SLC35F4: variants seen among roughly 807,000 people sequenced by gnomAD.
The protein encoded by SLC35F4 is solute carrier family 35 member F4.
SLC35F4 carries 24 observed loss-of-function variants against 44.2 expected under a neutral mutation model. The observed-to-expected ratio is 0.54, with a 90% confidence interval of 0.39 to 0.76. The LOEUF is 0.76. Ranked by LOEUF, SLC35F4 falls within the 30% of genes least tolerant of loss-of-function variation. SLC35F4 has a pLI of 0.00. For synonymous variants in SLC35F4, 238 were observed against 223.6 expected (o/e 1.06, Z -0.57); for missense variants, 562 against 586.1 (o/e 0.96, Z 0.42).
At chr14:57,883,546 T>C (rs760073276) in intron 1 of SLC35F4, among the ~76,000 whole-genome samples, 8 of 152,322 alleles carry the variant, frequency 5.3e-5, no homozygotes, top group Non-Finnish European at 1.0e-4. Flanking sequence ...GATTGGCATT[T>C]AGAAATGAGA....
rs531678583 is a variant in SLC35F4 at position 57,660,912 on chromosome 14, A to C, written c.104-66788T>G. On this transcript the variant is annotated intron_variant, in intron 1 of 7. Coordinates refer to ENST00000556826, the MANE Select transcript of SLC35F4 (RefSeq NM_001306087.2). The stretch of plus-strand genomic sequence containing the variant: ...ACTCTCAGAAACCGTAAAATCGTAA[A>C]TATTTGTTGTTGTAAGCTACATATT... Among the ~76,000 whole-genome samples the C allele has an allele frequency of 5.7e-3, 860 of 152,168 alleles. 12 individuals are homozygous for C. The highest frequency in any genetic ancestry group is 0.02 in the African/African-American group (819 of 41,464).
At chr14:57,934,885 C>A (rs745440309) in intron 1 of SLC35F4, among the ~76,000 whole-genome samples, 1 of 152,152 alleles carries the variant, frequency 6.6e-6, no homozygotes, top group Non-Finnish European at 1.5e-5. Flanking sequence ...ATCAGCATGT[C>A]AGCTTTATTA....
Position 57,594,033 on chromosome 14 carries a change from A to T in SLC35F4, c.195T>A (p.Ser65=), listed in dbSNP as rs776444675. The T allele has an allele frequency of 5.5e-5, 88 of 1,613,808 alleles. No homozygotes were observed. The highest frequency in any genetic ancestry group is 7.1e-5 in the Non-Finnish European group (84 of 1,179,860). Residue 65 remains serine, a synonymous_variant, in exon 2 of 8, where the codon TCT becomes TCA. Coordinates refer to ENST00000556826, the MANE Select transcript of SLC35F4 (RefSeq NM_001306087.2). The part of the protein sequence containing the change: ...SGISRQLSPL[S]VTEDSSAPIL... ...TAGGAGCAGAGGAATCTTCGGTGACAGACAGTGGGGACAGTTGTCTACTGA... is the reference window on the plus strand; with the variant it reads ...TAGGAGCAGAGGAATCTTCGGTGACTGACAGTGGGGACAGTTGTCTACTGA...
At chr14:57,867,867 CCTT>C (rs1257926098), upstream of SLC35F4, among the ~76,000 whole-genome samples, 3 of 151,940 alleles carry the variant, frequency 2.0e-5, no homozygotes, top group African/African-American at 7.3e-5. Flanking sequence ...CAAGCAAAAA[CCTT>C]CTGATGTAAC....
At chr14:57,643,616 T>A (rs554427546) in intron 1 of SLC35F4, among the ~76,000 whole-genome samples, 33 of 152,260 alleles carry the variant, frequency 2.2e-4, no homozygotes, top group South Asian at 8.3e-4. Context: ...TCATTTTTTT[T>A]AAATTTTATT....
chr14:57,859,995 TGG>T (rs1394859889), intron 1 of SLC35F4, among the ~76,000 whole-genome samples: 1 of 152,094 alleles, frequency 6.6e-6, no homozygotes, highest in Admixed American at 6.5e-5. Flanking sequence ...AATACAGGTG[TGG>T]GTTCAGAAAA....
intron 1 of SLC35F4, among the ~76,000 whole-genome samples, chr14:57,678,555 A>C (rs2074778438): frequency 6.6e-6 from 1 of 152,120 alleles, no homozygotes; most frequent in Non-Finnish European, 1.5e-5. Flanking sequence ...AAATGCCCCA[A>C]TTAAAAGACA....
At chr14:57,630,458 C>T in intron 1 of SLC35F4, 2 of 807,870 alleles carry the variant, frequency 2.5e-6, no homozygotes, top group Non-Finnish European at 4.3e-6. Context: ...CAAGTCCCAG[C>T]CCAAGAGAGA....
chr14:57,698,536 G>T (rs2140357195), intron 1 of SLC35F4, among the ~76,000 whole-genome samples: 1 of 152,192 alleles, frequency 6.6e-6, no homozygotes, highest in East Asian at 1.9e-4. Context: ...CATACTTCTT[G>T]AGGTTCAAGC....
At chr14:57,931,954 C>A (rs1889705763) in intron 1 of SLC35F4, among the ~76,000 whole-genome samples, 1 of 152,186 alleles carries the variant, frequency 6.6e-6, no homozygotes, top group African/African-American at 2.4e-5. Context: ...AGACTTAAAG[C>A]AATACAGGAA....
At chr14:57,852,086 A>G (rs1595214794) in intron 1 of SLC35F4, among the ~76,000 whole-genome samples, 1 of 152,216 alleles carries the variant, frequency 6.6e-6, no homozygotes, top group Non-Finnish European at 1.5e-5. Context: ...TCTTAGGGAC[A>G]TAAGAATCTA....
chr14:57,673,095 A>G (rs1025573935), intron 1 of SLC35F4, among the ~76,000 whole-genome samples: 1 of 152,174 alleles, frequency 6.6e-6, no homozygotes, highest in Non-Finnish European at 1.5e-5. Context: ...ATGATGAACC[A>G]TGAATTTGAA....
At chr14:57,791,013 C>T (rs7144739) in intron 1 of SLC35F4, among the ~76,000 whole-genome samples, 19,383 of 152,152 alleles carry the variant, frequency 0.13, 1,389 homozygotes, top group African/African-American at 0.18. Flanking sequence ...AAACATAAGA[C>T]CTAAAACCAT....
In SLC35F4 at chr14:57,885,189, T is replaced by C. The variant is rs1266588604; in HGVS notation, n.282+96724A>G. 3.3e-5 allele frequency among the ~76,000 whole-genome samples: 5 copies of C among 152,318 alleles called. No individual in the cohort carries two copies. In the South Asian group the frequency reaches 6.2e-4, roughly 19 times the overall value. On this transcript the variant is annotated intron_variant and non_coding_transcript_variant, in intron 1 of 1. Coordinates refer to the SLC35F4 transcript ENST00000556568. ...ATATTGTATAACAAAATGCATACTC[T>C]GGACCTAGTCTGCCCAGCTCATCTA...
At chr14:57,969,550 T>C (rs1314020966) in intron 1 of SLC35F4, among the ~76,000 whole-genome samples, 1 of 152,222 alleles carries the variant, frequency 6.6e-6, no homozygotes, top group African/African-American at 2.4e-5. Flanking sequence ...TCTATACATA[T>C]ACACTTATTT....
intron 1 of SLC35F4, among the ~76,000 whole-genome samples, chr14:57,939,731 G>A (rs1031411575): frequency 6.6e-6 from 1 of 152,160 alleles, no homozygotes; most frequent in Admixed American, 6.5e-5. Flanking sequence ...TTCCCCAATG[G>A]GCTGGGAGTT....
At chr14:57,570,057 G>C in intron 5 of SLC35F4, 77 bp from the exon 6 acceptor site, 3 of 1,329,670 alleles carry the variant, frequency 2.3e-6, no homozygotes, top group Non-Finnish European at 1.0e-6. Flanking sequence ...GTTCCATACT[G>C]TGAGCTAACT....
intron 1 of SLC35F4, among the ~76,000 whole-genome samples, chr14:57,722,600 C>T (rs1282076652): frequency 6.6e-6 from 1 of 152,086 alleles, no homozygotes; most frequent in Non-Finnish European, 1.5e-5. Flanking sequence ...TGCCAGGGGC[C>T]AAGTAGTGGC....
chr14:57,585,633 C>G (rs1383581422), intron 3 of SLC35F4, among the ~76,000 whole-genome samples: 1 of 152,198 alleles, frequency 6.6e-6, no homozygotes, highest in Non-Finnish European at 1.5e-5. Flanking sequence ...TGATAAGGAA[C>G]TTCAGCAAAA....
Sources: gnomAD v4.1 joint callset for allele counts (sites outside exome capture counted in the v4.1 genomes callset) on GRCh38, gnomAD v4.1.1 for gene constraint, MANE v1.5 for transcripts, NCBI Gene and HGNC (gene_info 2026-07-23, HGNC 2026-07-21) for gene names.